Variants in LUZP2 observed in about 807,000 individuals in gnomAD.
The protein encoded by LUZP2 is leucine zipper protein 2.
LUZP2 carries 52 observed loss-of-function variants against 51.6 expected under a neutral mutation model. The observed-to-expected ratio is 1.01, with a 90% confidence interval of 0.81 to 1.27. LUZP2 has a LOEUF of 1.27. Among genes scored for constraint, LUZP2 ranks in the 50% most tolerant of loss-of-function variants. LUZP2 has a pLI of 0.00. For missense variants in LUZP2, 436 were observed against 395.4 expected (o/e 1.10, Z -0.87); for synonymous variants, 154 against 137.3 (o/e 1.12, Z -0.85).
At chr11:24,634,759 G>A (rs1358523043) in intron 1 of LUZP2, among the ~76,000 whole-genome samples, 1 of 152,132 alleles carries the variant, frequency 6.6e-6, no homozygotes, top group African/African-American at 2.4e-5. Flanking sequence ...CAAGGTGAAA[G>A]GGCTTGAGTT....
At chr11:24,943,877 CAAAA>C (rs33998362) in intron 7 of LUZP2, among the ~76,000 whole-genome samples, 15 of 103,338 alleles carry the variant, frequency 1.5e-4, no homozygotes, top group African/African-American at 3.7e-4. Flanking sequence ...GACTCCATCT[CAAAA>C]AAAAAAAAAA....
At chr11:24,832,106 T>G (rs763794016) in intron 5 of LUZP2, 1 of 152,196 alleles carries the variant, frequency 6.6e-6, no homozygotes, top group Non-Finnish European at 1.5e-5. Flanking sequence ...TCTATAAAAT[T>G]GGATATAATA....
At chr11:24,929,553 C>G (rs1361568651) in intron 7 of LUZP2, among the ~76,000 whole-genome samples, 1 of 152,024 alleles carries the variant, frequency 6.6e-6, no homozygotes. Flanking sequence ...GAGTTGAATT[C>G]CAATTTCATT....
intron 5 of LUZP2, among the ~76,000 whole-genome samples, chr11:24,811,648 C>A (rs1850027413): frequency 6.6e-6 from 1 of 151,956 alleles, no homozygotes; most frequent in African/African-American, 2.4e-5. Flanking sequence ...CTCGATGGTT[C>A]TCTGAGGCAC....
At chr11:24,832,623 C>A (rs903397689) in intron 5 of LUZP2, among the ~76,000 whole-genome samples, 1 of 151,244 alleles carries the variant, frequency 6.6e-6, no homozygotes, top group African/African-American at 2.4e-5. Context: ...TCCTTAGTAA[C>A]TAAAGTTTGA....
intron 1 of LUZP2, among the ~76,000 whole-genome samples, chr11:24,632,683 C>T (rs1366918229): frequency 6.6e-6 from 1 of 151,974 alleles, no homozygotes; most frequent in African/African-American, 2.4e-5. Context: ...ATCTCAAGTC[C>T]TCCCTAGCCT....
intron 9 of LUZP2, among the ~76,000 whole-genome samples, chr11:25,011,629 A>C (rs1028050323): frequency 2.0e-5 from 3 of 152,120 alleles, no homozygotes; most frequent in African/African-American, 4.8e-5. Context: ...GTGCCTTTTT[A>C]TGGATGGTGG....
At chr11:24,997,755 C>A (rs1856552167) in intron 9 of LUZP2, among the ~76,000 whole-genome samples, 1 of 152,134 alleles carries the variant, frequency 6.6e-6, no homozygotes, top group African/African-American at 2.4e-5. Context: ...GGTTTTAGGT[C>A]TGACATTTAA....
intron 1 of LUZP2, among the ~76,000 whole-genome samples, chr11:24,614,687 T>G (rs1273031609): frequency 6.6e-6 from 1 of 151,960 alleles, no homozygotes; most frequent in Non-Finnish European, 1.5e-5. Flanking sequence ...AAACTTTTCC[T>G]CGAGAAGGGA....
chr11:24,722,828 A>T (rs1858328244), intron 1 of LUZP2, among the ~76,000 whole-genome samples: 1 of 151,918 alleles, frequency 6.6e-6, no homozygotes, highest in East Asian at 1.9e-4. Context: ...GAGGCAGGAG[A>T]ATTGCTTGAC....
At chr11:25,056,141 T>G (rs1458345889) in intron 10 of LUZP2, among the ~76,000 whole-genome samples, 1 of 152,184 alleles carries the variant, frequency 6.6e-6, no homozygotes, top group East Asian at 1.9e-4. Flanking sequence ...GTAGCCTTAT[T>G]CAGTGCTACT....
At chr11:24,906,875 G>A (rs1853471061) in intron 6 of LUZP2, among the ~76,000 whole-genome samples, 1 of 152,166 alleles carries the variant, frequency 6.6e-6, no homozygotes, top group Non-Finnish European at 1.5e-5. Flanking sequence ...GATGTAGAGG[G>A]AAGGAAGGAA....
intron 1 of LUZP2, among the ~76,000 whole-genome samples, chr11:24,656,624 A>G (rs373719733): frequency 6.6e-6 from 1 of 152,168 alleles, no homozygotes; most frequent in East Asian, 1.9e-4. Flanking sequence ...GGGTTTAGGT[A>G]TATTTAAGTC....
intron 10 of LUZP2, among the ~76,000 whole-genome samples, chr11:25,053,244 C>T (rs1565286996): frequency 6.6e-6 from 1 of 152,028 alleles, no homozygotes; most frequent in Non-Finnish European, 1.5e-5. Flanking sequence ...TAAATAATTA[C>T]ATCATCATTA....
At chr11:24,588,194 A>C (rs1853139900) in intron 1 of LUZP2, among the ~76,000 whole-genome samples, 1 of 152,046 alleles carries the variant, frequency 6.6e-6, no homozygotes, top group Admixed American at 6.6e-5. Context: ...TTATTAGATG[A>C]CTCAAAATTT....
chr11:24,529,503 AAATATTT>A (rs1327396373), intron 1 of LUZP2, among the ~76,000 whole-genome samples: 3 of 150,466 alleles, frequency 2.0e-5, no homozygotes, highest in Non-Finnish European at 4.5e-5. Context: ...GTATAAATAC[AAATATTT>A]AGCATTCATC....
Position 24,829,169 on chromosome 11 carries a change from C to G in LUZP2, c.396+65861C>G, listed in dbSNP as rs181495596. The stretch of plus-strand genomic sequence containing the variant: ...TGAATAACCTGCTTCAGAGAACAAA[C>G]AAAAATGAAATGAAGAATGACAAAG... On this transcript the variant is annotated intron_variant, in intron 5 of 11. Coordinates refer to ENST00000336930, the MANE Select transcript of LUZP2 (RefSeq NM_001009909.4). 4.5e-3 allele frequency among the ~76,000 whole-genome samples: 685 copies of G among 152,062 alleles called. 6 individuals carry two copies. The highest frequency in any genetic ancestry group is 0.014 in the African/African-American group (573 of 41,470).
chr11:24,729,071 C>A, intron 1 of LUZP2, 98 bp from the exon 2 acceptor site: 1 of 545,678 alleles, frequency 1.8e-6, no homozygotes, highest in Non-Finnish European at 3.1e-6. Flanking sequence ...GAGGTTTTAA[C>A]TTCTCTAGAT....
intron 4 of LUZP2, among the ~76,000 whole-genome samples, chr11:24,754,801 T>C (rs1392172229): frequency 6.6e-6 from 1 of 152,178 alleles, no homozygotes; most frequent in Non-Finnish European, 1.5e-5. Context: ...AGTAGTGAGC[T>C]GTAGGTCCTG....
Sources: gnomAD v4.1 joint callset for allele counts (sites outside exome capture counted in the v4.1 genomes callset) on GRCh38, gnomAD v4.1.1 for gene constraint, MANE v1.5 for transcripts, NCBI Gene and HGNC (gene_info 2026-07-23, HGNC 2026-07-21) for gene names.